Variants in PKHD1L1 observed in about 807,000 individuals in gnomAD.
PKHD1L1 encodes fibrocystin-L.
A neutral mutation model predicts 462.9 loss-of-function variants in PKHD1L1; 434 were observed. That is an observed-to-expected ratio of 0.94 (90% CI 0.87 to 1.02). The LOEUF is 1.02. Among genes scored for constraint, PKHD1L1 ranks in the 50% least tolerant of loss-of-function variants. PKHD1L1 has a pLI of 0.00. For synonymous variants in PKHD1L1, 1,781 were observed against 1,750.0 expected, an observed-to-expected ratio of 1.02 and a Z score of -0.44; for missense variants, 5,202 against 5,096.1, an observed-to-expected ratio of 1.02 and a Z score of -0.63.
chr8:109,501,064 C>T (rs1819386157), intron 67 of PKHD1L1, among the ~76,000 whole-genome samples: 1 of 150,138 alleles, frequency 6.7e-6, no homozygotes, highest in African/African-American at 2.5e-5. Flanking sequence ...ATGGTGAAAA[C>T]AGTTACTCCT....
intron 6 of PKHD1L1, 88 bp from the exon 7 acceptor site, chr8:109,388,409 G>C (rs1812541684): frequency 1.1e-6 from 1 of 922,268 alleles, no homozygotes; most frequent in Non-Finnish European, 1.7e-6. Flanking sequence ...AAAAATTTAA[G>C]GGAACCAGTG....
intron 53 of PKHD1L1, among the ~76,000 whole-genome samples, chr8:109,479,111 A>G (rs1415456628): frequency 1.3e-5 from 2 of 152,210 alleles, no homozygotes; most frequent in South Asian, 2.1e-4. Flanking sequence ...GTGGGAAAAT[A>G]TCACCAATTT....
chr8:109,487,533 T>G (rs1380691453), intron 59 of PKHD1L1, among the ~76,000 whole-genome samples: 1 of 146,744 alleles, frequency 6.8e-6, no homozygotes, highest in Admixed American at 7.1e-5. Context: ...TGATTATGAA[T>G]CTTAAATCTC....
chr8:109,424,422 T>A (rs1210509234), intron 23 of PKHD1L1, among the ~76,000 whole-genome samples: 1 of 152,206 alleles, frequency 6.6e-6, no homozygotes, highest in Admixed American at 6.5e-5. Context: ...TTATGTCTTT[T>A]AGCACTAATG....
intron 21 of PKHD1L1, among the ~76,000 whole-genome samples, chr8:109,418,068 T>C (rs1347569505): frequency 9.9e-5 from 15 of 152,216 alleles, no homozygotes; most frequent in African/African-American, 3.1e-4. Flanking sequence ...AAAAATGGAA[T>C]TATTTAATCA....
Position 109,485,168 on chromosome 8 carries a change from A to C in PKHD1L1, c.9701A>C (p.His3234Pro). 6.4e-7 allele frequency: 1 copy of C among 1,570,412 alleles called. No individual in the cohort carries two copies. Among genetic ancestry groups the C allele is most frequent in the Non-Finnish European group, 8.6e-7 (1 of 1,157,804 alleles). The change falls in exon 58 of 78, where the codon CAC becomes CCC. Residue 3234 changes from histidine (H) to proline (P), a missense_variant. His to Pro is a moderately conservative substitution (Grantham distance 77, BLOSUM62 -2). Around this residue, in one of 3 missense-constraint regions of PKHD1L1, gnomAD observed 4,497 missense variants for 4,336.8 expected, o/e 1.04. Transcript: ENST00000378402. ...CTTAATGATAGCCTTTCCTATACTC[A>C]CTTTGGTAAGTGGATGCTTTTTAAC... ...LILNDSLSYTHFAEKYHVPGT... is the reference protein window; with the variant it reads ...LILNDSLSYTPFAEKYHVPGT...
intron 71 of PKHD1L1, among the ~76,000 whole-genome samples, chr8:109,513,725 C>G (rs1252023343): frequency 6.6e-6 from 1 of 152,040 alleles, no homozygotes; most frequent in Admixed American, 6.6e-5. Flanking sequence ...AACCTTGGAA[C>G]CACTCTTGAC....
At chr8:109,473,454 T>C (rs1817826927) in intron 50 of PKHD1L1, among the ~76,000 whole-genome samples, 1 of 151,532 alleles carries the variant, frequency 6.6e-6, no homozygotes, top group Middle Eastern at 3.4e-3. Context: ...AGGCAGAGTT[T>C]GCAGTGAGCC....
chr8:109,496,086 T>A (rs1819069740), intron 63 of PKHD1L1, among the ~76,000 whole-genome samples: 1 of 152,200 alleles, frequency 6.6e-6, no homozygotes, highest in African/African-American at 2.4e-5. Flanking sequence ...GTTAAACAAC[T>A]TTCCCAAGAT....
At chr8:109,448,025 A>G (rs922067239) in intron 38 of PKHD1L1, 118 bp from the exon 39 acceptor site, 40 of 870,302 alleles carry the variant, frequency 4.6e-5, no homozygotes, top group Admixed American at 8.6e-5. Context: ...GTTAATATTT[A>G]TATTAGTTTT....
chr8:109,477,373 C>G lies in PKHD1L1; in HGVS notation c.9066C>G (p.Pro3022=). The change falls in exon 53 of 78, where the codon CCC becomes CCG. Residue 3022 remains proline, a synonymous_variant. Coordinates refer to ENST00000378402, the MANE Select transcript of PKHD1L1 (RefSeq NM_177531.6). ...PVHPPSRKPI[P]KKRPATYNLW... ...ATCCGCCATCAAGAAAACCAATTCC[C>G]AAGAAGCGACCAGCCACATATAAGT... The G allele has an allele frequency of 6.2e-7, 1 of 1,613,224 alleles. No homozygotes were observed. The highest frequency in any genetic ancestry group is 2.2e-5 in the East Asian group (1 of 44,832).
At chr8:109,502,519 C>T (rs952963243) in intron 67 of PKHD1L1, among the ~76,000 whole-genome samples, 6 of 151,842 alleles carry the variant, frequency 4.0e-5, no homozygotes, top group African/African-American at 4.9e-5. Flanking sequence ...AACTTAGCAT[C>T]GCACTTTGTT....
chr8:109,483,212 G>C (rs1818358470), intron 57 of PKHD1L1, 107 bp downstream of exon 57: 1 of 746,742 alleles, frequency 1.3e-6, no homozygotes, highest in Admixed American at 4.2e-5. Flanking sequence ...TGATTAACCA[G>C]ATGAAAAATG....
chr8:109,383,102 TAA>T (rs1198254641), intron 4 of PKHD1L1, among the ~76,000 whole-genome samples: 36 of 115,966 alleles, frequency 3.1e-4, no homozygotes, highest in Non-Finnish European at 5.1e-4. Context: ...ATATAATATA[TAA>T]ATAGTTATAT....
chr8:109,429,670 T>C (rs980496506), intron 26 of PKHD1L1, among the ~76,000 whole-genome samples: 2 of 152,220 alleles, frequency 1.3e-5, no homozygotes, highest in African/African-American at 4.8e-5. Context: ...TTTTTAGCTC[T>C]ACTATGCCAG....
At chr8:109,528,534 T>C (rs982792900) in intron 77 of PKHD1L1, among the ~76,000 whole-genome samples, 1 of 152,198 alleles carries the variant, frequency 6.6e-6, no homozygotes, top group Non-Finnish European at 1.5e-5. Context: ...CCTATATCTA[T>C]ACCTAGGCTG....
chr8:109,398,484 C>T lies in PKHD1L1; in HGVS notation c.948C>T (p.Val316=). 2 of 1,565,166 alleles carry T rather than the reference C, an allele frequency of 1.3e-6. No homozygotes were observed. The highest frequency in any genetic ancestry group is 4.6e-5 in the East Asian group (2 of 43,204). Residue 316 remains valine (V), a synonymous_variant, in exon 12 of 78, where the codon GTC becomes GTT. Transcript: ENST00000378402. ...GTGAACCTTGTGATATTTTGAATGT[C>T]ACAGAAAATAGTATATGTTGCAAGA... ...VGGEPCDILN[V]TENSICCKTP...
chr8:109,431,531 A>G (rs1414845084), intron 27 of PKHD1L1, among the ~76,000 whole-genome samples: 5 of 151,238 alleles, frequency 3.3e-5, no homozygotes, highest in Admixed American at 2.0e-4. Flanking sequence ...TTTTGTATAT[A>G]ACACACACAC....
intron 23 of PKHD1L1, among the ~76,000 whole-genome samples, chr8:109,422,387 T>TA (rs1814519746): frequency 6.6e-6 from 1 of 152,222 alleles, no homozygotes; most frequent in African/African-American, 2.4e-5. Flanking sequence ...TGCACTCACT[T>TA]ATATATGGCA....
Sources: gnomAD v4.1 joint callset for allele counts (sites outside exome capture counted in the v4.1 genomes callset) on GRCh38, gnomAD v4.1.1 for gene constraint, gnomAD v4.1.1 regional missense constraint, MANE v1.5 for transcripts, NCBI Gene and HGNC (gene_info 2026-07-23, HGNC 2026-07-21) for gene names.